The following CTSC variants were observed in gnomAD, a reference collection of about 807,000 sequenced individuals.
The protein encoded by CTSC is cathepsin C.
CTSC carries 37 observed loss-of-function variants against 40.9 expected under a neutral mutation model. The observed-to-expected ratio is 0.91, with a 90% CI of 0.70 to 1.19. The LOEUF is 1.19. Ranked by LOEUF, CTSC falls within the 50% of genes most tolerant of loss-of-function variation. CTSC has a pLI of 0.00. For synonymous variants in CTSC, 232 were observed against 207.4 expected (o/e 1.12, Z -1.02); for missense variants, 594 against 567.3 (o/e 1.05, Z -0.48).
intron 4 of CTSC, among the ~76,000 whole-genome samples, chr11:88,308,711 A>C (rs1005830474): frequency 2.0e-5 from 3 of 151,052 alleles, no homozygotes; most frequent in African/African-American, 7.3e-5. Context: ...GCTGCCTTTG[A>C]AAAACCCCTA....
chr11:88,304,959 A>C (rs1314057070), intron 4 of CTSC, among the ~76,000 whole-genome samples: 1 of 152,172 alleles, frequency 6.6e-6, no homozygotes, highest in Non-Finnish European at 1.5e-5. Flanking sequence ...TTGGCTGGGC[A>C]TGGTGGGTCA....
intron 3 of CTSC, among the ~76,000 whole-genome samples, chr11:88,309,801 T>C (rs1937708644): frequency 7.9e-6 from 1 of 126,688 alleles, no homozygotes; most frequent in South Asian, 2.5e-4. Context: ...TACATACATA[T>C]ATATGTATGC....
chr11:88,337,040 CAG>C, intron 1 of CTSC, among the ~76,000 whole-genome samples: 1 of 131,924 alleles, frequency 7.6e-6, no homozygotes, highest in East Asian at 2.0e-4. Flanking sequence ...AATCGCTGGG[CAG>C]AAAGTCCCTT....
At chr11:88,334,231 T>C (rs1246503792) in intron 2 of CTSC, among the ~76,000 whole-genome samples, 1 of 152,216 alleles carries the variant, frequency 6.6e-6, no homozygotes, top group Non-Finnish European at 1.5e-5. Context: ...AATATTTAGC[T>C]TACAAGAAAA....
At chr11:88,326,705 C>T (rs1414529579) in intron 2 of CTSC, among the ~76,000 whole-genome samples, 3 of 152,090 alleles carry the variant, frequency 2.0e-5, no homozygotes, top group African/African-American at 2.4e-5. Context: ...CTGAAAAAAA[C>T]GAATATGTTT....
chr11:88,309,017 G>C, intron 4 of CTSC, 146 bp downstream of exon 4: 1 of 709,118 alleles, frequency 1.4e-6, no homozygotes, highest in Admixed American at 2.1e-5. Flanking sequence ...GTATCAATAG[G>C]AGATAAAGAT....
chr11:88,325,295 C>A, intron 2 of CTSC: 1 of 985,310 alleles, frequency 1.0e-6, no homozygotes, highest in East Asian at 1.1e-4. Context: ...TTTTGGTCTT[C>A]AATGAAAAAA....
chr11:88,319,833 G>T (rs1337595683), intron 2 of CTSC, among the ~76,000 whole-genome samples: 2 of 152,108 alleles, frequency 1.3e-5, no homozygotes, highest in African/African-American at 4.8e-5. Flanking sequence ...ATTTTGAAAA[G>T]AGTACTTTGC....
At chr11:88,298,831 A>G (rs1403986421) in intron 5 of CTSC, 1 of 152,180 alleles carries the variant, frequency 6.6e-6, no homozygotes, top group African/African-American at 2.4e-5. Flanking sequence ...TATGAAAACC[A>G]ATGTCAAATA....
intron 5 of CTSC, among the ~76,000 whole-genome samples, chr11:88,299,953 T>G (rs1944340063): frequency 6.6e-6 from 1 of 152,186 alleles, no homozygotes; most frequent in Non-Finnish European, 1.5e-5. Context: ...TAGGAATACT[T>G]TTCATGAACC....
At chr11:88,296,023 A>G in intron 6 of CTSC, 110 bp downstream of exon 6, 1 of 1,165,158 alleles carries the variant, frequency 8.6e-7, no homozygotes, top group East Asian at 2.4e-5. Flanking sequence ...AGATTTTCTG[A>G]CTATAGACAC....
At chr11:88,305,113 C>T (rs1937619614) in intron 4 of CTSC, among the ~76,000 whole-genome samples, 1 of 150,934 alleles carries the variant, frequency 6.6e-6, no homozygotes, top group South Asian at 2.1e-4. Flanking sequence ...AAAAAGAATG[C>T]CATGACAATG....
At chr11:88,325,701 A>G in intron 2 of CTSC, 3 of 985,386 alleles carry the variant, frequency 3.0e-6, no homozygotes, top group Non-Finnish European at 3.6e-6. Flanking sequence ...TGAAAAAAGA[A>G]AAGAAAAAAA....
chr11:88,327,783 G>A (rs753551458), intron 2 of CTSC: 8 of 345,338 alleles, frequency 2.3e-5, no homozygotes, highest in East Asian at 1.4e-4. Flanking sequence ...ACTACTTTAC[G>A]AATGTGAACT....
chr11:88,308,698 C>T (rs887371181), intron 4 of CTSC, among the ~76,000 whole-genome samples: 1 of 151,928 alleles, frequency 6.6e-6, no homozygotes, highest in Non-Finnish European at 1.5e-5. Context: ...CCCCTTCCCC[C>T]AAGCTGCCTT....
chr11:88,330,209 G>A (rs1938311760), intron 2 of CTSC, among the ~76,000 whole-genome samples: 1 of 152,100 alleles, frequency 6.6e-6, no homozygotes, highest in Non-Finnish European at 1.5e-5. Flanking sequence ...CTTGCCACAG[G>A]CCTGATTACT....
intron 2 of CTSC, among the ~76,000 whole-genome samples, chr11:88,319,959 G>A (rs1013742418): frequency 2.6e-5 from 4 of 151,956 alleles, no homozygotes; most frequent in South Asian, 2.1e-4. Flanking sequence ...ATCTATATAC[G>A]TACAATTACC....
At chr11:88,333,277 T>C (rs1938409735) in intron 2 of CTSC, among the ~76,000 whole-genome samples, 3 of 152,244 alleles carry the variant, frequency 2.0e-5, no homozygotes, top group South Asian at 4.1e-4. Flanking sequence ...GAATAAACTA[T>C]GTACTTGTCT....
At chr11:88,317,489 A>G (rs1399519011) in intron 2 of CTSC, among the ~76,000 whole-genome samples, 1 of 152,218 alleles carries the variant, frequency 6.6e-6, no homozygotes, top group Non-Finnish European at 1.5e-5. Flanking sequence ...GTAAAAGTAC[A>G]GAGCTGCAAT....
Sources: allele counts gnomAD v4.1 joint callset (sites outside exome capture counted in the v4.1 genomes callset), GRCh38; gene constraint gnomAD v4.1.1; transcripts MANE v1.5; gene names NCBI Gene and HGNC (gene_info 2026-07-23, HGNC 2026-07-21).